ZNRF2: variants seen among roughly 807,000 people sequenced by gnomAD.
The protein encoded by ZNRF2 is E3 ubiquitin-protein ligase ZNRF2.
In ZNRF2, 16 loss-of-function variants were observed where a neutral mutation model predicts 20.4. That is an observed-to-expected ratio of 0.79 (90% confidence interval 0.53 to 1.19). The LOEUF (loss-of-function observed/expected upper bound fraction) is 1.19, where lower values mean the gene tolerates loss of function less well. Among genes scored for constraint, ZNRF2 ranks in the 50% most tolerant of loss-of-function variants. ZNRF2 has a pLI of 0.00. For synonymous variants in ZNRF2, 178 were observed against 144.9 expected (o/e 1.23, Z -1.64); for missense variants, 363 against 332.4 (o/e 1.09, Z -0.72).
At chr7:30,298,809 C>G (rs1207918988) in intron 1 of ZNRF2, among the ~76,000 whole-genome samples, 1 of 152,172 alleles carries the variant, frequency 6.6e-6, no homozygotes, top group Non-Finnish European at 1.5e-5. Flanking sequence ...ATGAATCTTT[C>G]TCTTTTAGGC....
chr7:30,307,328 T>TTTG, intron 1 of ZNRF2, among the ~76,000 whole-genome samples: 1 of 69,856 alleles, frequency 1.4e-5, no homozygotes, highest in South Asian at 4.5e-4. Context: ...TTTTTTTTGT[T>TTTG]TTTTTTTTTT....
chr7:30,314,522 A>C (rs893692503), intron 1 of ZNRF2, among the ~76,000 whole-genome samples: 7 of 152,196 alleles, frequency 4.6e-5, no homozygotes, highest in Admixed American at 3.9e-4. Flanking sequence ...GAGGAGACAA[A>C]AAAGATGGAC....
At chr7:30,291,709 CT>C (rs1322650571) in intron 1 of ZNRF2, among the ~76,000 whole-genome samples, 1 of 152,094 alleles carries the variant, frequency 6.6e-6, no homozygotes, top group African/African-American at 2.4e-5. Flanking sequence ...TAGAAGTATA[CT>C]TTAAGTGGTT....
intron 2 of ZNRF2, among the ~76,000 whole-genome samples, chr7:30,336,442 A>G (rs770480577): frequency 6.6e-6 from 1 of 152,164 alleles, no homozygotes; most frequent in Non-Finnish European, 1.5e-5. Context: ...CTTGGGGGGA[A>G]CTATATTTAA....
At chr7:30,344,097 T>C (rs1013454144) in intron 2 of ZNRF2, among the ~76,000 whole-genome samples, 1 of 151,922 alleles carries the variant, frequency 6.6e-6, no homozygotes, top group Non-Finnish European at 1.5e-5. Context: ...AATTTTTGTA[T>C]TTTTAGTAGA....
chr7:30,310,904 A>G (rs954216463), intron 1 of ZNRF2, among the ~76,000 whole-genome samples: 1 of 152,040 alleles, frequency 6.6e-6, no homozygotes, highest in Non-Finnish European at 1.5e-5. Context: ...CCTGTGGAAC[A>G]TGAGCTGTAC....
intron 2 of ZNRF2, 93 bp from the exon 3 acceptor site, chr7:30,355,635 A>G: frequency 1.0e-6 from 1 of 965,018 alleles, no homozygotes; most frequent in Non-Finnish European, 1.6e-6. Context: ...AGTAAGGTGG[A>G]ATCACAACTT....
At chr7:30,315,558 C>G (rs759683123) in intron 1 of ZNRF2, among the ~76,000 whole-genome samples, 2 of 152,038 alleles carry the variant, frequency 1.3e-5, no homozygotes, top group Non-Finnish European at 2.9e-5. Flanking sequence ...TTTGCATTCT[C>G]ACAAAGTTGA....
rs991574502 is a variant in ZNRF2 at position 30,365,150 on chromosome 7, T to C, written c.*23-885T>C. 4.8e-3 allele frequency among the ~76,000 whole-genome samples: 441 copies of C among 90,996 alleles called. 8 individuals carry two copies. The highest frequency in any genetic ancestry group is 4.8e-3 in the Non-Finnish European group (166 of 34,284). The allele number at this position is 90,996 out of a possible 152,430, so 59.7% of individuals were successfully genotyped here. On this transcript the variant is annotated intron_variant, in intron 4 of 4. Transcript: ENST00000323037. ...TTTAGACCATAGAGCTGATAAGCTT[T>C]TTTTTTTTTTTTTTTTTTTTTTGGT... is the stretch of plus-strand genomic sequence containing the variant.
intron 1 of ZNRF2, among the ~76,000 whole-genome samples, chr7:30,311,956 T>A (rs1181732519): frequency 6.6e-6 from 1 of 152,178 alleles, no homozygotes; most frequent in Non-Finnish European, 1.5e-5. Context: ...AAAATTAGAT[T>A]ATTGACAATA....
chr7:30,303,279 A>G (rs1343591237), intron 1 of ZNRF2, among the ~76,000 whole-genome samples: 1 of 151,136 alleles, frequency 6.6e-6, no homozygotes, highest in Non-Finnish European at 1.5e-5. Context: ...AAAAAAAAAG[A>G]AAAAGAAAAA....
intron 1 of ZNRF2, among the ~76,000 whole-genome samples, chr7:30,323,378 C>G (rs149418583): frequency 4.6e-5 from 7 of 152,258 alleles, no homozygotes; most frequent in African/African-American, 1.7e-4. Context: ...ACCAGTACAT[C>G]AGAGAGAGAT....
chr7:30,320,503 G>T (rs562346886), intron 1 of ZNRF2, among the ~76,000 whole-genome samples: 4 of 152,230 alleles, frequency 2.6e-5, no homozygotes, highest in South Asian at 2.1e-4. Context: ...TTATAATGGT[G>T]TGGAGGTGAT....
At position 30,340,699 on chromosome 7, in the gene ZNRF2, C is replaced by CT. The variant is rs918955840; in HGVS notation, c.566-15019dup. Reference sequence around the variant, plus strand: ...ATCAGGGATATTGGCCTGAAATTTTCTTTTTTTTTTGTTGTGTCTCTGCCA... The same window carrying CT: ...ATCAGGGATATTGGCCTGAAATTTTCTTTTTTTTTTTGTTGTGTCTCTGCCA... On this transcript the variant is annotated intron_variant, in intron 2 of 4. Transcript: ENST00000323037. Among the ~76,000 whole-genome samples the CT allele has an allele frequency of 4.7e-4, 70 of 148,914 alleles. 1 individual carries two copies. The highest frequency in any genetic ancestry group is 1.1e-3 in the South Asian group (5 of 4,678).
intron 1 of ZNRF2, among the ~76,000 whole-genome samples, chr7:30,290,106 A>G (rs762617247): frequency 6.6e-6 from 1 of 152,224 alleles, no homozygotes; most frequent in Non-Finnish European, 1.5e-5. Flanking sequence ...TGCTTTATGT[A>G]GCAAATTACT....
chr7:30,359,767 G>C (rs991663187), intron 3 of ZNRF2, among the ~76,000 whole-genome samples: 3 of 152,000 alleles, frequency 2.0e-5, no homozygotes, highest in African/African-American at 7.2e-5. Context: ...TTAAAAAAAC[G>C]TATTTACAGT....
intron 2 of ZNRF2, among the ~76,000 whole-genome samples, chr7:30,346,284 C>T (rs1583592609): frequency 1.4e-5 from 2 of 141,420 alleles, no homozygotes; most frequent in East Asian, 4.4e-4. Context: ...ACGTCTGCCT[C>T]CTAGGTTCAA....
intron 2 of ZNRF2, among the ~76,000 whole-genome samples, chr7:30,325,813 AAATTG>A (rs1214453084): frequency 6.6e-6 from 1 of 152,192 alleles, no homozygotes; most frequent in Non-Finnish European, 1.5e-5. Context: ...TTGCATTATG[AAATTG>A]AATTGGCTAC....
At chr7:30,362,073 T>C (rs1478063381) in intron 3 of ZNRF2, among the ~76,000 whole-genome samples, 1 of 152,190 alleles carries the variant, frequency 6.6e-6, no homozygotes, top group Non-Finnish European at 1.5e-5. Flanking sequence ...AAAGAAAAAT[T>C]ATGCAAATTT....
Sources: allele counts gnomAD v4.1 joint callset (sites outside exome capture counted in the v4.1 genomes callset), GRCh38; gene constraint gnomAD v4.1.1; transcripts MANE v1.5; gene names NCBI Gene and HGNC (gene_info 2026-07-23, HGNC 2026-07-21).